Variants in RAD21 observed in about 807,000 individuals in gnomAD.
RAD21 encodes RAD21 cohesin complex component, also known as double-strand-break repair protein rad21 homolog.
RAD21 carries 18 observed loss-of-function variants against 71.5 expected under a neutral mutation model. The observed-to-expected ratio is 0.25, with a 90% confidence interval of 0.17 to 0.37. The LOEUF (loss-of-function observed/expected upper bound fraction) is 0.37, where lower values mean the gene tolerates loss of function less well. Ranked by LOEUF, RAD21 falls within the 10% of genes least tolerant of loss-of-function variation. RAD21 has a pLI of 1.00. For missense variants in RAD21, 493 were observed against 769.1 expected, an observed-to-expected ratio of 0.64 and a Z score of 4.25; for synonymous variants, 248 against 254.0, an observed-to-expected ratio of 0.98 and a Z score of 0.22.
chr8:116,863,682 G>A (rs1812634642), intron 2 of RAD21, among the ~76,000 whole-genome samples: 1 of 152,090 alleles, frequency 6.6e-6, no homozygotes, highest in Non-Finnish European at 1.5e-5. Flanking sequence ...AATAGGTGAA[G>A]TATGCCAGAG....
chr8:116,853,359 A>G (rs989289650), intron 9 of RAD21, among the ~76,000 whole-genome samples: 1 of 152,212 alleles, frequency 6.6e-6, no homozygotes, highest in African/African-American at 2.4e-5. Flanking sequence ...GATTACAGGC[A>G]TGAGCGACTG....
chr8:116,847,467 G>T lies in RAD21; in HGVS notation c.*33C>A. The T allele has an allele frequency of 6.4e-7, 1 of 1,553,880 alleles. No individual in the cohort carries two copies. The highest frequency in any genetic ancestry group is 1.2e-5 in the South Asian group (1 of 83,050). The stretch of plus-strand genomic sequence containing the variant: ...ATGGGGGCAATTTGTAAGCACTAGT[G>T]AATCAAACACTAGCTATAATGCTTC... On this transcript the variant is annotated 3_prime_UTR_variant, in exon 14 of 14. Coordinates refer to ENST00000297338, the MANE Select transcript of RAD21 (RefSeq NM_006265.3).
intron 1 of RAD21, 55 bp from the exon 2 acceptor site, chr8:116,866,816 T>A (rs981503275): frequency 4.9e-6 from 6 of 1,232,372 alleles, no homozygotes; most frequent in Non-Finnish European, 5.3e-6. Flanking sequence ...TAAATACTTA[T>A]CAAGACATAA....
chr8:116,852,818 A>G, intron 9 of RAD21, 110 bp from the exon 10 acceptor site: 1 of 752,504 alleles, frequency 1.3e-6, no homozygotes, highest in Non-Finnish European at 1.9e-6. Context: ...TAAGTGTATA[A>G]TTTAGCATGG....
chr8:116,871,017 G>A (rs1375205829), intron 1 of RAD21, among the ~76,000 whole-genome samples: 1 of 152,188 alleles, frequency 6.6e-6, no homozygotes, highest in Non-Finnish European at 1.5e-5. Context: ...GGCTAAGGAA[G>A]GCAGAGTGAT....
intron 3 of RAD21, 148 bp downstream of exon 3, chr8:116,862,982 G>T: frequency 9.6e-7 from 1 of 1,039,082 alleles, no homozygotes; most frequent in Non-Finnish European, 1.3e-6. Context: ...GCCTCCCCAA[G>T]CCTTGCTCTA....
chr8:116,867,909 T>C (rs535988962), intron 1 of RAD21, among the ~76,000 whole-genome samples: 3 of 152,328 alleles, frequency 2.0e-5, no homozygotes, highest in East Asian at 1.9e-4. Flanking sequence ...TTGTCACATA[T>C]GCAGATGTGT....
rs527933234 is a variant in RAD21, at chr8:116,852,083, A to G, written c.1335T>C (p.Ile445=). The G allele has an allele frequency of 3.7e-6, 6 of 1,605,828 alleles. No homozygotes were observed. In the East Asian group the frequency reaches 9.0e-5, roughly 24 times the overall value. The part of the protein sequence containing the change: ...QQRDVIDEPI[I]EEPSRLQESV... The stretch of plus-strand genomic sequence containing the variant: ...ACTCCTGGAGGCGGCTTGGCTCTTC[A>G]ATAATGGGCTCATCTGCAATTGGTC... The change falls in exon 11 of 14, where the codon ATT becomes ATC. Residue 445 remains isoleucine (I), a synonymous_variant. Coordinates refer to ENST00000297338, the MANE Select transcript of RAD21 (RefSeq NM_006265.3).
chr8:116,855,372 T>C (rs936613123), intron 8 of RAD21, among the ~76,000 whole-genome samples: 13 of 152,126 alleles, frequency 8.5e-5, no homozygotes, highest in African/African-American at 2.9e-4. Context: ...ATATCCCCAT[T>C]ATCTCAAATT....
At chr8:116,855,778 T>C (rs1586267102) in intron 8 of RAD21, among the ~76,000 whole-genome samples, 1 of 152,120 alleles carries the variant, frequency 6.6e-6, no homozygotes, top group African/African-American at 2.4e-5. Context: ...TTTAGAATTG[T>C]ACTTTATTGA....
In RAD21 at chr8:116,847,635, A is replaced by G; in HGVS notation, c.1761T>C (p.Asn587=). The change falls in exon 14 of 14, where the codon AAT becomes AAC. Residue 587 remains asparagine, a synonymous_variant. Transcript: ENST00000297338. ...TTGCGGCAGCTTGTTTTCTGTTCGT[A>G]TTTCGACATAACTCAAGCAAACTGA... is the stretch of plus-strand genomic sequence containing the variant. ...ESISLLELCR[N]TNRKQAAAKF... 1 of 1,614,086 alleles carries G rather than the reference A, an allele frequency of 6.2e-7. No homozygotes were observed. The highest frequency in any genetic ancestry group is 8.5e-7 in the Non-Finnish European group (1 of 1,179,972).
chr8:116,847,708 A>G lies in RAD21; in HGVS notation c.1705-17T>C, dbSNP rs1258484400. 1.9e-6 allele frequency: 3 copies of G among 1,603,762 alleles called. No homozygotes were observed. The highest frequency in any genetic ancestry group is 8.5e-7 in the Non-Finnish European group (1 of 1,174,392). ...AAGAGCACGCTGAAATAAAACCAAAAAAGGGTAACTTAATCTGTATAATAA... is the reference window on the plus strand; with the variant it reads ...AAGAGCACGCTGAAATAAAACCAAAGAAGGGTAACTTAATCTGTATAATAA... On this transcript the variant is annotated splice_polypyrimidine_tract_variant and intron_variant, in intron 13 of 13. Transcript: ENST00000297338.
At chr8:116,858,905 C>T (rs1812526680) in intron 4 of RAD21, among the ~76,000 whole-genome samples, 1 of 151,786 alleles carries the variant, frequency 6.6e-6, no homozygotes, top group Admixed American at 6.6e-5. Flanking sequence ...TAATGCTAAA[C>T]ACCAATCTAA....
At chr8:116,860,160 G>C (rs749101190) in intron 4 of RAD21, among the ~76,000 whole-genome samples, 2 of 152,160 alleles carry the variant, frequency 1.3e-5, no homozygotes, top group African/African-American at 2.4e-5. Flanking sequence ...TGCAATCTTG[G>C]AATAAAACTT....
At chr8:116,856,335 T>C (rs775895600) in intron 7 of RAD21, 47 bp from the exon 8 acceptor site, 1 of 1,419,536 alleles carries the variant, frequency 7.0e-7, no homozygotes, top group Admixed American at 2.8e-5. Flanking sequence ...AGCTTTGGTA[T>C]ATAACATATA....
rs143808293 is a variant in RAD21 at position 116,845,973 on chromosome 8, T to C, written c.*1527A>G. The C allele has an allele frequency of 7.4e-3, 1,694 of 227,780 alleles. 30 individuals carry two copies. The highest frequency in any genetic ancestry group is 0.035 in the African/African-American group (1,575 of 45,130). The allele number at this position is 227,780 out of a possible 1,614,324, so 14.1% of individuals were successfully genotyped here. On this transcript the variant is annotated 3_prime_UTR_variant, in exon 14 of 14. Transcript: ENST00000297338. ...CAACTTTTATTAGAAAAGTTATACATAACATAGCATCAACTATTTTCAAGA... is the reference window on the plus strand; with the variant it reads ...CAACTTTTATTAGAAAAGTTATACACAACATAGCATCAACTATTTTCAAGA...
At chr8:116,847,825 A>G in intron 13 of RAD21, 134 bp from the exon 14 acceptor site, 1 of 851,784 alleles carries the variant, frequency 1.2e-6, no homozygotes, top group South Asian at 1.8e-5. Flanking sequence ...TTAGAGATGG[A>G]GCCTAGTGAG....
At chr8:116,865,311 ATC>A (rs1358254912) in intron 2 of RAD21, among the ~76,000 whole-genome samples, 1 of 152,172 alleles carries the variant, frequency 6.6e-6, no homozygotes, top group Non-Finnish European at 1.5e-5. Flanking sequence ...CATGAAAAAA[ATC>A]TGTTATCCTT....
At position 116,850,658 on chromosome 8, in the gene RAD21, T is replaced by G. The variant is rs760150515; in HGVS notation, c.1580A>C (p.Lys527Thr). 1 of 1,610,910 alleles carries G rather than the reference T, an allele frequency of 6.2e-7. No individual in the cohort carries two copies. Among genetic ancestry groups the G allele is most frequent in the East Asian group, 2.2e-5 (1 of 44,828 alleles). ...ATCTTCTTTTTCCTTCTCTTTCTCC[T>G]TCTCTTTTTCTGGCAGAAGTTCTAA... is the stretch of plus-strand genomic sequence containing the variant. ...PELELLPEKE[K>T]EKEKEKEDDE... The change falls in exon 12 of 14, where the codon AAG (lysine) becomes ACG (threonine). Residue 527 changes from lysine (K) to threonine (T), a missense_variant. Around this residue, in one of 5 missense-constraint regions of RAD21, gnomAD observed 225 missense variants for 218.3 expected, o/e 1.03. Transcript: ENST00000297338.
Sources: gnomAD v4.1 joint callset for allele counts (sites outside exome capture counted in the v4.1 genomes callset) on GRCh38, gnomAD v4.1.1 for gene constraint, gnomAD v4.1.1 regional missense constraint, MANE v1.5 for transcripts, NCBI Gene and HGNC (gene_info 2026-07-23, HGNC 2026-07-21) for gene names.